Variants in SH3KBP1 observed in about 807,000 individuals in gnomAD.
SH3KBP1 encodes SH3 domain-containing kinase-binding protein 1.
Under a neutral mutation model 50.1 loss-of-function variants are expected in SH3KBP1, and 8 were observed. That is an observed-to-expected ratio of 0.16 (90% CI 0.09 to 0.29). The LOEUF (loss-of-function observed/expected upper bound fraction) is 0.29. Among genes scored for constraint, SH3KBP1 ranks in the 10% least tolerant of loss-of-function variants. The pLI is 1.00. For synonymous variants in SH3KBP1, 227 were observed against 218.6 expected (o/e 1.04, Z -0.34); for missense variants, 377 against 535.2 (o/e 0.70, Z 2.92).
At chrX:19,770,128 C>G (rs1239012594) in intron 2 of SH3KBP1, among the ~76,000 whole-genome samples, 1 of 111,681 alleles carries the variant, frequency 9.0e-6, no homozygotes, top group African/African-American at 3.3e-5. Flanking sequence ...GTTTGTTGTA[C>G]AGATTATTTC....
At chrX:19,736,270 C>G (rs763177519) in intron 3 of SH3KBP1, among the ~76,000 whole-genome samples, 5 of 112,133 alleles carry the variant, frequency 4.5e-5, no homozygotes, top group African/African-American at 1.3e-4. Context: ...TTTCTTTACT[C>G]ATTTTTAATC....
At chrX:19,627,705 C>A (rs773116151) in intron 8 of SH3KBP1, among the ~76,000 whole-genome samples, 1 of 112,233 alleles carries the variant, frequency 8.9e-6, no homozygotes, top group African/African-American at 3.2e-5. Context: ...GTGTCTGACT[C>A]ATTTTCTAGA....
Position 19,592,142 on chromosome X carries a change from T to C in SH3KBP1, c.1063A>G (p.Thr355Ala). The C allele has an allele frequency of 8.4e-7, 1 of 1,194,360 alleles. No individual in the cohort carries two copies. The highest frequency in any genetic ancestry group is 1.1e-6 in the Non-Finnish European group (1 of 881,956). ...TTTTTAATTTCATGTTTTCTCTCAG[T>C]GGTGCCTAGGAGGGAAAGGGTAATA... is the stretch of plus-strand genomic sequence containing the variant. ...APVIKQGAGT[T>A]ERKHEIKKIP... is the part of the protein sequence containing the mutation. Residue 355 changes from threonine (T) to alanine (A), a missense_variant, in exon 11 of 18, where the codon ACT (threonine) becomes GCT (alanine). Coordinates refer to ENST00000397821, the MANE Select transcript of SH3KBP1 (RefSeq NM_031892.3).
chrX:19,861,269 C>T (rs1201253121), intron 1 of SH3KBP1, among the ~76,000 whole-genome samples: 2 of 109,152 alleles, frequency 1.8e-5, no homozygotes, highest in African/African-American at 3.3e-5. Flanking sequence ...CCCAGCTACT[C>T]GGGAGGCTGA....
chrX:19,812,294 T>C (rs2067229738), intron 2 of SH3KBP1, among the ~76,000 whole-genome samples: 1 of 111,320 alleles, frequency 9.0e-6, no homozygotes, highest in African/African-American at 3.3e-5. Flanking sequence ...TGTGTGACTT[T>C]TGTGCTAGTA....
chrX:19,790,804 C>T (rs1031192631), intron 2 of SH3KBP1, among the ~76,000 whole-genome samples: 6 of 110,355 alleles, frequency 5.4e-5, no homozygotes, highest in Admixed American at 1.9e-4. Context: ...GTACCAAATG[C>T]CAAATGACCT....
At chrX:19,768,410 T>C (rs966314788) in intron 2 of SH3KBP1, among the ~76,000 whole-genome samples, 3 of 102,490 alleles carry the variant, frequency 2.9e-5, no homozygotes, top group South Asian at 4.7e-4. Flanking sequence ...AATGAGAGAT[T>C]TGAATTCAAT....
chrX:19,545,227 C>T (rs1235753654), intron 15 of SH3KBP1, among the ~76,000 whole-genome samples: 1 of 111,828 alleles, frequency 8.9e-6, no homozygotes, highest in Non-Finnish European at 1.9e-5. Flanking sequence ...GAAAATAATT[C>T]CAATTGACTT....
chrX:19,707,192 T>C, intron 3 of SH3KBP1: 1 of 520,641 alleles, frequency 1.9e-6, no homozygotes, highest in Non-Finnish European at 3.5e-6. Context: ...AGCTGCTGGG[T>C]CAGAAAGGCA....
At chrX:19,718,453 A>T (rs1333090083) in intron 3 of SH3KBP1, among the ~76,000 whole-genome samples, 2 of 111,941 alleles carry the variant, frequency 1.8e-5, no homozygotes, top group Non-Finnish European at 3.8e-5. Flanking sequence ...ACCCCAAAGT[A>T]ACAGTGATAC....
At chrX:19,881,912 C>T (rs1043774815) in intron 1 of SH3KBP1, among the ~76,000 whole-genome samples, 10 of 111,404 alleles carry the variant, frequency 9.0e-5, no homozygotes, top group Non-Finnish European at 1.5e-4. Flanking sequence ...CCATGTACTT[C>T]GTGATTGGAG....
chrX:19,581,397 T>C (rs1238899790), intron 12 of SH3KBP1, among the ~76,000 whole-genome samples: 1 of 112,518 alleles, frequency 8.9e-6, no homozygotes, highest in African/African-American at 3.2e-5. Context: ...GTAATCCCAA[T>C]TCAAAATGAT....
At chrX:19,723,834 T>C (rs2064142110) in intron 3 of SH3KBP1, among the ~76,000 whole-genome samples, 1 of 111,141 alleles carries the variant, frequency 9.0e-6, no homozygotes, top group Non-Finnish European at 1.9e-5. Context: ...GAGCAGATGA[T>C]TGTGTGGGGA....
chrX:19,614,627 C>T (rs2067551107), intron 8 of SH3KBP1, among the ~76,000 whole-genome samples: 1 of 111,825 alleles, frequency 8.9e-6, no homozygotes, highest in South Asian at 3.7e-4. Flanking sequence ...CTAGGTTTTT[C>T]CAGTGTGTAG....
intron 13 of SH3KBP1, among the ~76,000 whole-genome samples, chrX:19,560,841 C>T (rs931461144): frequency 9.1e-6 from 1 of 110,385 alleles, no homozygotes; most frequent in Non-Finnish European, 1.9e-5. Context: ...CTTTGGGAAG[C>T]GAGGTGGGAG....
intron 15 of SH3KBP1, among the ~76,000 whole-genome samples, chrX:19,542,497 C>G (rs780705417): frequency 8.9e-6 from 1 of 111,983 alleles, no homozygotes; most frequent in African/African-American, 3.3e-5. Flanking sequence ...CTGAAGTGAA[C>G]AAGACATGCC....
chrX:19,549,629 C>A (rs1398379194), intron 14 of SH3KBP1, among the ~76,000 whole-genome samples: 4 of 111,651 alleles, frequency 3.6e-5, no homozygotes. Context: ...GTTTACACAC[C>A]AAACCAGCCT....
chrX:19,542,512 T>C (rs960040714), intron 15 of SH3KBP1, among the ~76,000 whole-genome samples: 2 of 111,928 alleles, frequency 1.8e-5, no homozygotes, highest in African/African-American at 6.5e-5. Flanking sequence ...CATGCCTTAA[T>C]AGGCATTCTC....
intron 2 of SH3KBP1, among the ~76,000 whole-genome samples, chrX:19,778,148 T>A (rs1179651108): frequency 9.0e-6 from 1 of 110,978 alleles, no homozygotes; most frequent in Non-Finnish European, 1.9e-5. Context: ...AAGGGGAAAA[T>A]TCGGCCGGGT....
Sources: gnomAD v4.1 joint callset for allele counts (sites outside exome capture counted in the v4.1 genomes callset) on GRCh38, gnomAD v4.1.1 for gene constraint, MANE v1.5 for transcripts, NCBI Gene and HGNC (gene_info 2026-07-23, HGNC 2026-07-21) for gene names.